TGFBRAP1: variants seen among roughly 807,000 people sequenced by gnomAD.
TGFBRAP1 encodes the protein transforming growth factor beta receptor associated protein 1, also known as transforming growth factor-beta receptor-associated protein 1.
In TGFBRAP1, 20 loss-of-function variants were observed where a neutral mutation model predicts 83.2. The observed-to-expected ratio is 0.24, with a 90% CI of 0.17 to 0.35. The LOEUF (loss-of-function observed/expected upper bound fraction) is 0.35, where lower values mean the gene tolerates loss of function less well. Ranked by LOEUF, TGFBRAP1 falls within the 10% of genes least tolerant of loss-of-function variation. The probability of loss-of-function intolerance (pLI) is 1.00; values close to 1 mark genes in which losing one functional copy is unlikely to be tolerated. For missense variants in TGFBRAP1, 950 were observed against 1,099.4 expected (o/e 0.86, Z 1.92); for synonymous variants, 415 against 459.8 (o/e 0.90, Z 1.25).
intron 2 of TGFBRAP1, among the ~76,000 whole-genome samples, chr2:105,303,327 AG>A (rs1242186635): frequency 6.6e-6 from 1 of 152,210 alleles, no homozygotes; most frequent in East Asian, 1.9e-4. Flanking sequence ...AGAAGGGCCT[AG>A]AAACAATGAG....
At position 105,266,696 on chromosome 2, in the gene TGFBRAP1, C is replaced by A. The variant is rs1676947469; in HGVS notation, c.*687G>T. 1.3e-5 allele frequency: 2 copies of A among 152,242 alleles called. No individual in the cohort carries two copies. Among genetic ancestry groups the A allele is most frequent in the African/African-American group, 4.8e-5 (2 of 41,456 alleles). 9.4% of individuals were successfully genotyped at this position (152,242 alleles called of 1,614,324 possible). ...TCTTCACTTGCTAGGCAGCCAGAAG[C>A]ATTAGTTCACCCAAGAGTGAGTGCT... On this transcript the variant is annotated 3_prime_UTR_variant, in exon 12 of 12. Transcript: ENST00000393359.
intron 1 of TGFBRAP1, among the ~76,000 whole-genome samples, chr2:105,311,059 T>G (rs1573211492): frequency 6.7e-6 from 1 of 149,268 alleles, no homozygotes; most frequent in Non-Finnish European, 1.5e-5. Flanking sequence ...ACATTTGCAG[T>G]AAAGAATATT....
At chr2:105,283,914 CTT>C in intron 5 of TGFBRAP1, among the ~76,000 whole-genome samples, 1 of 152,320 alleles carries the variant, frequency 6.6e-6, no homozygotes, top group East Asian at 1.9e-4. Context: ...GAAGCACTGT[CTT>C]TTCCCCCCTG....
chr2:105,318,998 A>G (rs1336372788), intron 1 of TGFBRAP1, among the ~76,000 whole-genome samples: 1 of 151,780 alleles, frequency 6.6e-6, no homozygotes, highest in Admixed American at 6.6e-5. Flanking sequence ...ACTAAAACTC[A>G]CCAAGGACAG....
At chr2:105,252,854 G>A in the TGFBRAP1 span, among the ~76,000 whole-genome samples, 39 of 142,024 alleles carry the variant, frequency 2.7e-4, no homozygotes, top group Admixed American at 2.8e-3. Context: ...CCAGCTTCAC[G>A]CCATTCTCCT....
intron 6 of TGFBRAP1, 42 bp downstream of exon 6, chr2:105,280,340 C>A: frequency 6.3e-7 from 1 of 1,580,784 alleles, no homozygotes; most frequent in South Asian, 1.2e-5. Context: ...AGTAAGGGTG[C>A]AGGGCGGGAA....
At position 105,308,231 on chromosome 2, in the gene TGFBRAP1, C is replaced by A; in HGVS notation, c.71G>T (p.Arg24Leu). The A allele has an allele frequency of 6.2e-7, 1 of 1,614,200 alleles. No homozygotes were observed. The highest frequency in any genetic ancestry group is 8.5e-7 in the Non-Finnish European group (1 of 1,180,044). The change falls in exon 2 of 12, where the codon CGC becomes CTC. Residue 24 changes from arginine to leucine, a missense_variant. Arg to Leu is a moderately radical substitution (Grantham distance 102). Transcript: ENST00000393359. Reference protein sequence around the residue: ...ERELLMGDKERVNIECVECCG... With the variant: ...ERELLMGDKELVNIECVECCG... ...GCACTCCACGCACTCTATGTTGACG[C>A]GCTCCTTGTCGCCCATCAGCAGCTC...
chr2:105,313,976 T>C (rs1010426008), intron 1 of TGFBRAP1, among the ~76,000 whole-genome samples: 4 of 152,124 alleles, frequency 2.6e-5, no homozygotes, highest in African/African-American at 7.2e-5. Flanking sequence ...TAACCCCCAG[T>C]ACCCATGAAT....
intron 7 of TGFBRAP1, among the ~76,000 whole-genome samples, chr2:105,276,641 A>G (rs1455264883): frequency 5.3e-5 from 8 of 152,208 alleles, no homozygotes; most frequent in Non-Finnish European, 1.0e-4. Context: ...ATCTCTCTAC[A>G]GCTCTGCTAA....
At chr2:105,319,120 G>A (rs1678976650) in intron 1 of TGFBRAP1, among the ~76,000 whole-genome samples, 1 of 152,080 alleles carries the variant, frequency 6.6e-6, no homozygotes, top group East Asian at 1.9e-4. Context: ...GAGTGCAGTG[G>A]TGTAATCTTG....
intron 1 of TGFBRAP1, among the ~76,000 whole-genome samples, chr2:105,319,669 GC>G (rs1279373794): frequency 2.9e-5 from 4 of 140,102 alleles, no homozygotes; most frequent in African/African-American, 1.1e-4. Flanking sequence ...TCCAGCCTGG[GC>G]AACAAGAGCA....
chr2:105,255,541 G>C, the TGFBRAP1 span, among the ~76,000 whole-genome samples: 1 of 149,578 alleles, frequency 6.7e-6, no homozygotes, highest in Non-Finnish European at 1.5e-5. Context: ...GGCTGGTTTC[G>C]AACTCCTGGC....
Position 105,269,525 on chromosome 2 carries a change from G to C in TGFBRAP1, c.2153C>G (p.Thr718Arg). Residue 718 changes from threonine to arginine, a missense_variant, in exon 11 of 12, where the codon ACG (threonine) becomes AGG (arginine). Thr to Arg is a moderately conservative substitution (Grantham distance 71, BLOSUM62 -1). Coordinates refer to ENST00000393359, the MANE Select transcript of TGFBRAP1 (RefSeq NM_004257.6). The surrounding 1 kb of genome is among the most constrained non-coding windows in gnomAD (Gnocchi z 4.1). Reference sequence around the variant, plus strand: ...AGCATGCAGGTAGATGGCCAGCAGCGTGTGAAAGAGTTGCTGGCGGTGGGG... The same window carrying C: ...AGCATGCAGGTAGATGGCCAGCAGCCTGTGAAAGAGTTGCTGGCGGTGGGG... ...DPPHRQQLFH[T>R]LLAIYLHAGP... The C allele has an allele frequency of 1.9e-6, 3 of 1,612,470 alleles. No individual in the cohort carries two copies. The highest frequency in any genetic ancestry group is 1.1e-5 in the South Asian group (1 of 90,898).
At chr2:105,282,762 G>A (rs552829902) in intron 5 of TGFBRAP1, among the ~76,000 whole-genome samples, 1 of 151,742 alleles carries the variant, frequency 6.6e-6, no homozygotes, top group Non-Finnish European at 1.5e-5. Flanking sequence ...GAAGGTCGAG[G>A]CTGCGGTGAG....
At chr2:105,256,678 C>T in the TGFBRAP1 span, among the ~76,000 whole-genome samples, 1 of 152,122 alleles carries the variant, frequency 6.6e-6, no homozygotes, top group Admixed American at 6.6e-5. Flanking sequence ...GTGCATTTTC[C>T]ATGTATGTTA....
intron 5 of TGFBRAP1, among the ~76,000 whole-genome samples, chr2:105,282,398 G>C (rs192624041): frequency 6.6e-6 from 1 of 152,204 alleles, no homozygotes; most frequent in East Asian, 1.9e-4. Flanking sequence ...TGTGGCCTCC[G>C]GCACGGCACT....
At chr2:105,283,635 G>C (rs1380676501) in intron 5 of TGFBRAP1, among the ~76,000 whole-genome samples, 1 of 152,214 alleles carries the variant, frequency 6.6e-6, no homozygotes, top group East Asian at 1.9e-4. Context: ...GCCTGGGATG[G>C]CTAACTCCTG....
At chr2:105,287,843 T>C (rs866601210) in intron 4 of TGFBRAP1, among the ~76,000 whole-genome samples, 6 of 152,072 alleles carry the variant, frequency 3.9e-5, no homozygotes, top group Admixed American at 6.6e-5. Context: ...GATAAATCCT[T>C]TTTTAATGAA....
chr2:105,325,632 C>T (rs75448695), intron 1 of TGFBRAP1, among the ~76,000 whole-genome samples: 1,720 of 152,266 alleles, frequency 0.011, 42 homozygotes, highest in African/African-American at 0.04. Flanking sequence ...GCTTCCCCAC[C>T]GTGAGTCTAG....
Sources: allele counts gnomAD v4.1 joint callset (sites outside exome capture counted in the v4.1 genomes callset), GRCh38; gene constraint gnomAD v4.1.1; non-coding constraint Gnocchi (gnomAD v3.1); transcripts MANE v1.5; gene names NCBI Gene and HGNC (gene_info 2026-07-23, HGNC 2026-07-21).